The following RANBP2 variants were observed in gnomAD, a reference collection of about 807,000 sequenced individuals.
The protein encoded by RANBP2 is RAN binding protein 2, also known as E3 SUMO-protein ligase RanBP2.
Under a neutral mutation model 303.6 loss-of-function variants are expected in RANBP2, and 57 were observed. The ratio of observed to expected loss-of-function variants is 0.19; its 90% confidence interval spans 0.15 to 0.23. The LOEUF (loss-of-function observed/expected upper bound fraction) is 0.23, where lower values mean the gene tolerates loss of function less well. RANBP2 is among the 10% of genes least tolerant of loss of function. The pLI, the probability that RANBP2 is intolerant of heterozygous loss-of-function variation, is 1.00. For missense variants in RANBP2, 3,138 were observed against 3,780.8 expected (o/e 0.83, Z 4.46); for synonymous variants, 1,167 against 1,301.5 (o/e 0.90, Z 2.23).
the RANBP2 span, among the ~76,000 whole-genome samples, chr2:109,591,711 A>G: frequency 1.3e-5 from 2 of 152,124 alleles, no homozygotes; most frequent in African/African-American, 4.8e-5. Context: ...AGCCTGGCCA[A>G]CACGAGCAAA....
At chr2:108,731,672 C>T (rs369572134) in intron 4 of RANBP2, 198 bp downstream of exon 4, 2 of 1,043,806 alleles carry the variant, frequency 1.9e-6, no homozygotes, top group Non-Finnish European at 2.7e-6. Flanking sequence ...TAAGTGACAT[C>T]TCATTTACCT....
At chr2:109,450,935 C>T in the RANBP2 span, among the ~76,000 whole-genome samples, 17 of 152,256 alleles carry the variant, frequency 1.1e-4, no homozygotes, top group Admixed American at 3.9e-4. Context: ...CAGGCAAGGA[C>T]AGCCTCTCTC....
the RANBP2 span, among the ~76,000 whole-genome samples, chr2:109,473,074 C>T: frequency 2.0e-5 from 3 of 152,190 alleles, no homozygotes; most frequent in African/African-American, 7.2e-5. Flanking sequence ...CTTTCAGATG[C>T]GAGTCCCAAG....
the RANBP2 span, among the ~76,000 whole-genome samples, chr2:109,070,899 C>T: frequency 6.6e-6 from 1 of 151,928 alleles, no homozygotes; most frequent in Non-Finnish European, 1.5e-5. Context: ...CCCCTCCCTT[C>T]CCACTGTTGC....
chr2:108,732,991 T>G (rs1248588952), intron 4 of RANBP2, among the ~76,000 whole-genome samples: 1 of 152,046 alleles, frequency 6.6e-6, no homozygotes, highest in East Asian at 1.9e-4. Flanking sequence ...GTCCCGCTTA[T>G]TTTTGTATTT....
chr2:109,108,281 CGCCT>C, the RANBP2 span, among the ~76,000 whole-genome samples: 1 of 152,140 alleles, frequency 6.6e-6, no homozygotes, highest in Non-Finnish European at 1.5e-5. Flanking sequence ...CCTCGTTATC[CGCCT>C]GCCTCAGCCT....
the RANBP2 span, among the ~76,000 whole-genome samples, chr2:109,675,430 C>T: frequency 2.0e-5 from 3 of 152,080 alleles, no homozygotes; most frequent in African/African-American, 7.2e-5. Flanking sequence ...GCTTGTAATC[C>T]CAGCACTTTG....
At chr2:109,130,403 T>C in the RANBP2 span, among the ~76,000 whole-genome samples, 2 of 152,182 alleles carry the variant, frequency 1.3e-5, no homozygotes, top group African/African-American at 4.8e-5. Context: ...CTCTTAAACT[T>C]AGCATCGCCC....
At chr2:109,204,473 G>C in the RANBP2 span, among the ~76,000 whole-genome samples, 5 of 152,174 alleles carry the variant, frequency 3.3e-5, no homozygotes, top group Admixed American at 2.0e-4. Context: ...TGTGGCTTTT[G>C]TTATGCCCCT....
chr2:109,319,844 A>T, the RANBP2 span, among the ~76,000 whole-genome samples: 1 of 152,178 alleles, frequency 6.6e-6, no homozygotes, highest in Non-Finnish European at 1.5e-5. Context: ...TAGAGGAAAG[A>T]GAGCCAGTAG....
the RANBP2 span, among the ~76,000 whole-genome samples, chr2:109,271,514 A>G: frequency 6.6e-6 from 1 of 152,230 alleles, no homozygotes; most frequent in Non-Finnish European, 1.5e-5. Context: ...AGCCAACATG[A>G]CAGCAGTGAA....
the RANBP2 span, among the ~76,000 whole-genome samples, chr2:109,658,751 G>A: frequency 6.6e-6 from 1 of 151,132 alleles, no homozygotes. Context: ...GCCAACATTG[G>A]GAAACCCCGT....
At chr2:108,952,180 T>C in the RANBP2 span, among the ~76,000 whole-genome samples, 1 of 152,062 alleles carries the variant, frequency 6.6e-6, no homozygotes, top group African/African-American at 2.4e-5. Context: ...GGGGAGAGAA[T>C]TTCAGGTATG....
intron 1 of RANBP2, among the ~76,000 whole-genome samples, chr2:108,728,559 A>G (rs938402892): frequency 6.6e-6 from 1 of 152,038 alleles, no homozygotes. Context: ...TGAAAGTGCT[A>G]GAATTAAAGG....
chr2:109,505,323 C>T, the RANBP2 span, among the ~76,000 whole-genome samples: 4 of 152,306 alleles, frequency 2.6e-5, no homozygotes, highest in African/African-American at 7.2e-5. Flanking sequence ...GACACATCTA[C>T]GTATACATTT....
At chr2:108,853,127 T>G in the RANBP2 span, among the ~76,000 whole-genome samples, 1 of 152,208 alleles carries the variant, frequency 6.6e-6, no homozygotes, top group African/African-American at 2.4e-5. Flanking sequence ...TGAGAAAAGA[T>G]AAATAGCTGA....
chr2:108,918,822 T>C, the RANBP2 span, among the ~76,000 whole-genome samples: 2 of 152,194 alleles, frequency 1.3e-5, no homozygotes, highest in Admixed American at 1.3e-4. Context: ...CTGGCTGGGA[T>C]TCTCTGCAGA....
chr2:109,109,765 G>T, the RANBP2 span, among the ~76,000 whole-genome samples: 1 of 152,118 alleles, frequency 6.6e-6, no homozygotes, highest in Non-Finnish European at 1.5e-5. Context: ...ATGCAATTAG[G>T]TGAATTTAAA....
chr2:109,597,102 C>A, the RANBP2 span, among the ~76,000 whole-genome samples: 1 of 152,122 alleles, frequency 6.6e-6, no homozygotes, highest in Admixed American at 6.5e-5. Flanking sequence ...CACATCCCAG[C>A]ACACTTGGCT....
Sources: allele counts gnomAD v4.1 joint callset (sites outside exome capture counted in the v4.1 genomes callset), GRCh38; gene constraint gnomAD v4.1.1; transcripts MANE v1.5; gene names NCBI Gene and HGNC (gene_info 2026-07-23, HGNC 2026-07-21).